The following NAV2 variants were observed in gnomAD, a reference collection of about 807,000 sequenced individuals.
NAV2 encodes the protein helicase, APC down-regulated 1.
Under a neutral mutation model 223.2 loss-of-function variants are expected in NAV2, and 54 were observed. The observed-to-expected ratio is 0.24, with a 90% CI of 0.19 to 0.30. NAV2 has a LOEUF of 0.30. NAV2 is among the 10% of genes least tolerant of loss of function. The pLI, the probability that NAV2 is intolerant of heterozygous loss-of-function variation, is 1.00. For synonymous variants in NAV2, 1,279 were observed against 1,239.3 expected, an observed-to-expected ratio of 1.03 and a Z score of -0.67; for missense variants, 2,806 against 3,147.5, an observed-to-expected ratio of 0.89 and a Z score of 2.60.
chr11:19,517,706 A>G (rs2043502085), intron 1 of NAV2, among the ~76,000 whole-genome samples: 1 of 152,258 alleles, frequency 6.6e-6, no homozygotes, highest in Non-Finnish European at 1.5e-5. Context: ...GGAGGCTCCT[A>G]AAGGAGTGGT....
intron 29 of NAV2, among the ~76,000 whole-genome samples, chr11:20,094,267 T>C (rs2061079041): frequency 6.9e-6 from 1 of 144,416 alleles, no homozygotes; most frequent in East Asian, 2.0e-4. Context: ...TCTCACTCTG[T>C]TGCCCAGGCT....
At chr11:19,617,896 T>G (rs2046846371) in intron 1 of NAV2, among the ~76,000 whole-genome samples, 1 of 152,192 alleles carries the variant, frequency 6.6e-6, no homozygotes, top group Non-Finnish European at 1.5e-5. Context: ...TCAGGGCCTT[T>G]GCACTTGCCA....
chr11:20,046,632 TAAAG>T (rs1271300951), intron 14 of NAV2, among the ~76,000 whole-genome samples: 2 of 80,854 alleles, frequency 2.5e-5, no homozygotes, highest in Admixed American at 1.2e-4. Flanking sequence ...ACAAACCTCT[TAAAG>T]AAGAAATATT....
intron 1 of NAV2, among the ~76,000 whole-genome samples, chr11:19,678,656 G>GAA (rs1252935433): frequency 3.7e-4 from 57 of 152,298 alleles, no homozygotes; most frequent in African/African-American, 1.3e-3. Context: ...ATCTAGGGTA[G>GAA]AAATTGGCAG....
At chr11:19,402,338 C>T (rs1029625424) in intron 1 of NAV2, among the ~76,000 whole-genome samples, 1 of 152,214 alleles carries the variant, frequency 6.6e-6, no homozygotes. Context: ...ATAGCACCCA[C>T]TACATAGAGT....
At chr11:20,107,949 G>A (rs2062286213) in intron 36 of NAV2, among the ~76,000 whole-genome samples, 167 bp downstream of exon 36, 1 of 152,134 alleles carries the variant, frequency 6.6e-6, no homozygotes, top group Non-Finnish European at 1.5e-5. Flanking sequence ...CTGGCTGCAA[G>A]TCCTGGCTCT....
intron 19 of NAV2, among the ~76,000 whole-genome samples, chr11:20,057,498 T>C (rs775540359): frequency 6.6e-6 from 1 of 152,126 alleles, no homozygotes; most frequent in Non-Finnish European, 1.5e-5. Context: ...ATTTAAGAGC[T>C]AGAAATTAAT....
At chr11:19,784,967 G>C (rs188710463) in intron 1 of NAV2, among the ~76,000 whole-genome samples, 4 of 152,300 alleles carry the variant, frequency 2.6e-5, no homozygotes, top group East Asian at 1.9e-4. Context: ...GGATATACAA[G>C]GTGGATTAAT....
intron 10 of NAV2, among the ~76,000 whole-genome samples, chr11:19,952,422 A>T (rs909286726): frequency 6.6e-6 from 1 of 152,244 alleles, no homozygotes; most frequent in African/African-American, 2.4e-5. Flanking sequence ...ATAAAGACCA[A>T]AATCCCAGTC....
In NAV2 at chr11:20,097,636, T is replaced by C. The variant is rs535642099; in HGVS notation, c.6072T>C (p.Leu2024=). The change falls in exon 31 of 38, where the codon CTT becomes CTC. Residue 2024 remains leucine (L), a synonymous_variant. Transcript: ENST00000349880. ...TAGGGCTGAATTCAGACAGCGTTCT[T>C]GGCTACAGCATTGGAGAAATCAAGC... is the stretch of plus-strand genomic sequence containing the variant. ...SQLGLNSDSV[L]GYSIGEIKRS... 4 of 1,613,542 alleles carry C rather than the reference T, an allele frequency of 2.5e-6. No individual in the cohort carries two copies. The Middle Eastern group carries it at 6.6e-4, about 266-fold the overall frequency.
At chr11:19,499,499 C>T (rs2042898595) in intron 1 of NAV2, among the ~76,000 whole-genome samples, 1 of 152,048 alleles carries the variant, frequency 6.6e-6, no homozygotes, top group South Asian at 2.1e-4. Context: ...GGCACAGGCA[C>T]TTAAGTATGT....
At chr11:19,782,691 TC>T (rs1028559464) in intron 1 of NAV2, among the ~76,000 whole-genome samples, 6 of 152,188 alleles carry the variant, frequency 3.9e-5, no homozygotes, top group African/African-American at 1.2e-4. Context: ...CAGGTGCTGT[TC>T]CCAAGGGTTG....
chr11:19,347,697 A>T (rs1422956448), upstream of NAV2, among the ~76,000 whole-genome samples: 1 of 152,172 alleles, frequency 6.6e-6, no homozygotes, highest in African/African-American at 2.4e-5. Context: ...TATGACACAG[A>T]GAGGAGAAGC....
chr11:19,984,771 TC>T (rs1323584905), intron 11 of NAV2, among the ~76,000 whole-genome samples: 1 of 152,172 alleles, frequency 6.6e-6, no homozygotes, highest in Non-Finnish European at 1.5e-5. Context: ...TGATCAGGCG[TC>T]ACTGCCACTG....
intron 1 of NAV2, among the ~76,000 whole-genome samples, chr11:19,773,525 G>A (rs1320635714): frequency 6.6e-6 from 1 of 152,084 alleles, no homozygotes; most frequent in Non-Finnish European, 1.5e-5. Context: ...CACACTTCAG[G>A]GCAGACCTTC....
In NAV2 at chr11:19,458,416, T is replaced by C. The variant is rs548067113; in HGVS notation, c.75+107389T>C. Among the ~76,000 whole-genome samples, 108 of 152,352 alleles carry C rather than the reference T, an allele frequency of 7.1e-4. 1 individual carries two copies. Among genetic ancestry groups the C allele is most frequent in the Middle Eastern group, 3.4e-3 (1 of 294 alleles). On this transcript the variant is annotated intron_variant, in intron 1 of 37. Coordinates refer to the NAV2 transcript ENST00000360655. ...AGCCTTCCTGTGCCTAAGCCACACA[T>C]TCATGTGAAATATGATAAAGTCTAG...
intron 10 of NAV2, among the ~76,000 whole-genome samples, chr11:19,959,769 T>C (rs1326272822): frequency 2.0e-5 from 3 of 152,172 alleles, no homozygotes; most frequent in Non-Finnish European, 2.9e-5. Context: ...CTGATGTTCA[T>C]GTGGGAAGCA....
At chr11:19,730,250 A>G (rs2051634206) in intron 1 of NAV2, among the ~76,000 whole-genome samples, 1 of 152,094 alleles carries the variant, frequency 6.6e-6, no homozygotes, top group Non-Finnish European at 1.5e-5. Context: ...GAGTCCTGTG[A>G]CTTGTGGGGC....
chr11:19,740,046 A>G (rs972969353), intron 1 of NAV2, among the ~76,000 whole-genome samples: 1 of 152,202 alleles, frequency 6.6e-6, no homozygotes, highest in Non-Finnish European at 1.5e-5. Context: ...GAGGGCAGCC[A>G]CTGGGAGCTT....
Sources: allele counts gnomAD v4.1 joint callset (sites outside exome capture counted in the v4.1 genomes callset), GRCh38; gene constraint gnomAD v4.1.1; transcripts MANE v1.5; gene names NCBI Gene and HGNC (gene_info 2026-07-23, HGNC 2026-07-21).